CDH13: variants seen among roughly 807,000 people sequenced by gnomAD.
The protein encoded by CDH13 is cadherin 13.
In CDH13, 24 loss-of-function variants were observed where a neutral mutation model predicts 63.8. That is an observed-to-expected ratio of 0.38 (90% CI 0.27 to 0.53). The LOEUF is 0.53. Ranked by LOEUF, CDH13 falls within the 20% of genes least tolerant of loss-of-function variation. CDH13 has a pLI of 0.85. For missense variants in CDH13, 1,049 were observed against 903.1 expected, an observed-to-expected ratio of 1.16 and a Z score of -2.07; for synonymous variants, 503 against 355.3, an observed-to-expected ratio of 1.42 and a Z score of -4.67.
chr16:82,861,263 C>T (rs1329885919), intron 2 of CDH13, among the ~76,000 whole-genome samples: 1 of 152,132 alleles, frequency 6.6e-6, no homozygotes, highest in African/African-American at 2.4e-5. Context: ...GACATTTGCA[C>T]TTCATATTTT....
At chr16:83,191,062 C>A (rs984698753) in intron 4 of CDH13, among the ~76,000 whole-genome samples, 1 of 151,314 alleles carries the variant, frequency 6.6e-6, no homozygotes, top group Non-Finnish European at 1.5e-5. Context: ...GAGCAAAGGT[C>A]CAACTGGCAG....
chr16:83,728,123 AG>A (rs1910626815), intron 10 of CDH13, among the ~76,000 whole-genome samples: 1 of 152,152 alleles, frequency 6.6e-6, no homozygotes. Context: ...CTGCCTGGAA[AG>A]GGGGAACAGC....
At chr16:83,372,299 A>C (rs1441540328) in intron 6 of CDH13, among the ~76,000 whole-genome samples, 2 of 152,220 alleles carry the variant, frequency 1.3e-5, no homozygotes, top group Non-Finnish European at 2.9e-5. Flanking sequence ...GTCTGATTTC[A>C]AAGTTGTCTC....
At chr16:83,229,940 A>G (rs770205741) in intron 5 of CDH13, among the ~76,000 whole-genome samples, 10 of 152,142 alleles carry the variant, frequency 6.6e-5, no homozygotes, top group Non-Finnish European at 1.3e-4. Flanking sequence ...TTAGCATGTA[A>G]AACATTCGTG....
chr16:82,717,243 A>T (rs1466330841), intron 1 of CDH13, among the ~76,000 whole-genome samples: 1 of 151,996 alleles, frequency 6.6e-6, no homozygotes, highest in South Asian at 2.1e-4. Flanking sequence ...CACATAAAAA[A>T]TAAGGGTATG....
At chr16:83,076,352 G>A (rs1230449794) in intron 3 of CDH13, among the ~76,000 whole-genome samples, 1 of 152,124 alleles carries the variant, frequency 6.6e-6, no homozygotes, top group Non-Finnish European at 1.5e-5. Flanking sequence ...CCATTGCCAT[G>A]GCTTATTCAT....
At chr16:82,761,242 T>C (rs2034843253) in intron 1 of CDH13, among the ~76,000 whole-genome samples, 1 of 151,920 alleles carries the variant, frequency 6.6e-6, no homozygotes, top group Admixed American at 6.6e-5. Flanking sequence ...GGTCTTGAAC[T>C]CCTGACCTCA....
intron 7 of CDH13, among the ~76,000 whole-genome samples, chr16:83,592,107 G>A (rs1906816365): frequency 1.3e-5 from 2 of 152,068 alleles, no homozygotes; most frequent in African/African-American, 4.8e-5. Context: ...ATCTCATTGT[G>A]CTGAGCTCAT....
chr16:82,701,585 T>G (rs942725385), intron 1 of CDH13, among the ~76,000 whole-genome samples: 1 of 152,190 alleles, frequency 6.6e-6, no homozygotes, highest in Non-Finnish European at 1.5e-5. Context: ...ATGTCCTATT[T>G]GCTTTTTCTG....
chr16:82,840,441 G>C (rs1000484541), intron 1 of CDH13, among the ~76,000 whole-genome samples: 1 of 151,406 alleles, frequency 6.6e-6, no homozygotes, highest in Non-Finnish European at 1.5e-5. Flanking sequence ...CCAGCACTTT[G>C]GGAGGCCCAG....
At chr16:82,809,070 A>G (rs964446915) in intron 1 of CDH13, among the ~76,000 whole-genome samples, 1 of 152,118 alleles carries the variant, frequency 6.6e-6, no homozygotes, top group Non-Finnish European at 1.5e-5. Context: ...ATGTGTTTGT[A>G]TATCAGTGTA....
At chr16:82,706,003 C>T (rs1597370046) in intron 1 of CDH13, among the ~76,000 whole-genome samples, 2 of 152,232 alleles carry the variant, frequency 1.3e-5, no homozygotes, top group Admixed American at 6.5e-5. Context: ...CTTCCCCCTC[C>T]TGTCCTCTCT....
intron 4 of CDH13, among the ~76,000 whole-genome samples, chr16:83,191,624 C>A (rs1180844391): frequency 6.7e-6 from 1 of 149,656 alleles, no homozygotes; most frequent in East Asian, 2.0e-4. Flanking sequence ...CAAGGTCCCA[C>A]AATAGGCCAT....
chr16:83,287,499 A>G (rs896874630), intron 5 of CDH13, among the ~76,000 whole-genome samples: 6 of 152,148 alleles, frequency 3.9e-5, no homozygotes. Context: ...TTCTCATACG[A>G]GCATGAACCT....
chr16:83,573,724 A>G (rs998621354), intron 7 of CDH13, among the ~76,000 whole-genome samples: 6 of 152,238 alleles, frequency 3.9e-5, no homozygotes, highest in Admixed American at 6.5e-5. Flanking sequence ...AAATGTAGGT[A>G]ACTCTTTTCT....
chr16:83,635,087 T>C (rs1911134057), intron 8 of CDH13, among the ~76,000 whole-genome samples: 1 of 152,182 alleles, frequency 6.6e-6, no homozygotes, highest in Non-Finnish European at 1.5e-5. Flanking sequence ...TTTGGTGTTA[T>C]CACTCTTTTT....
chr16:83,270,485 AT>A (rs879465925), intron 5 of CDH13, among the ~76,000 whole-genome samples: 11 of 152,204 alleles, frequency 7.2e-5, no homozygotes, highest in Non-Finnish European at 1.5e-4. Context: ...AATTTAAAAT[AT>A]TTAAATGATG....
At chr16:82,628,028 C>T (rs1485695262) in intron 1 of CDH13, among the ~76,000 whole-genome samples, 1 of 152,236 alleles carries the variant, frequency 6.6e-6, no homozygotes, top group African/African-American at 2.4e-5. Context: ...GAGGGAGATG[C>T]GGTCCGCCTG....
intron 5 of CDH13, among the ~76,000 whole-genome samples, chr16:83,254,000 G>A (rs901658655): frequency 6.6e-6 from 1 of 152,156 alleles, no homozygotes; most frequent in African/African-American, 2.4e-5. Context: ...AGCCAGCACC[G>A]TGAGGCCAAG....
Sources: gnomAD v4.1 joint callset for allele counts (sites outside exome capture counted in the v4.1 genomes callset) on GRCh38, gnomAD v4.1.1 for gene constraint, MANE v1.5 for transcripts, NCBI Gene and HGNC (gene_info 2026-07-23, HGNC 2026-07-21) for gene names.